RNF138: variants seen among roughly 807,000 people sequenced by gnomAD.
RNF138 encodes the protein ring finger protein 138, also known as E3 ubiquitin-protein ligase RNF138.
A neutral mutation model predicts 31.0 loss-of-function variants in RNF138; 12 were observed. The observed-to-expected ratio is 0.39, with a 90% confidence interval of 0.25 to 0.63. The LOEUF (loss-of-function observed/expected upper bound fraction) is 0.63, where lower values mean the gene tolerates loss of function less well. Among genes scored for constraint, RNF138 ranks in the 20% least tolerant of loss-of-function variants. The pLI is 0.52. For missense variants in RNF138, 192 were observed against 300.1 expected (o/e 0.64, Z 2.66); for synonymous variants, 105 against 99.5 (o/e 1.06, Z -0.33).
At chr18:32,113,590 T>C (rs528995389) in intron 3 of RNF138, among the ~76,000 whole-genome samples, 155 bp from the exon 4 acceptor site, 1 of 152,202 alleles carries the variant, frequency 6.6e-6, no homozygotes, top group Non-Finnish European at 1.5e-5. Context: ...TATCTATTCT[T>C]AACTCCTACT....
chr18:32,122,826 A>AAACT (rs892252944), intron 4 of RNF138, among the ~76,000 whole-genome samples: 3 of 152,192 alleles, frequency 2.0e-5, no homozygotes, highest in Non-Finnish European at 2.9e-5. Flanking sequence ...TCCAGCTCAA[A>AAACT]AACTAACTAA....
At chr18:32,108,945 G>A (rs1033133358) in intron 2 of RNF138, among the ~76,000 whole-genome samples, 14 of 152,066 alleles carry the variant, frequency 9.2e-5, no homozygotes, top group Non-Finnish European at 1.8e-4. Flanking sequence ...TGGGATTATA[G>A]GCATAAGCCA....
At chr18:32,116,208 T>C (rs146970479) in intron 4 of RNF138, among the ~76,000 whole-genome samples, 26 of 152,308 alleles carry the variant, frequency 1.7e-4, no homozygotes, top group African/African-American at 6.3e-4. Context: ...TTACCAGTAA[T>C]ATCCCAACCT....
Position 32,124,852 on chromosome 18 carries a change from A to C in RNF138, c.561+7A>C, listed in dbSNP as rs1295875170. On this transcript the variant is annotated splice_region_variant and intron_variant, in intron 6 of 7. Coordinates refer to ENST00000261593, the MANE Select transcript of RNF138 (RefSeq NM_016271.5). ...ATTTCAGATAGTTCCTGTGGTAAGT[A>C]CATACGTTTGAGACAGTCTTCTGCT... The C allele has an allele frequency of 7.5e-7, 1 of 1,331,780 alleles. No individual in the cohort carries two copies. Among genetic ancestry groups the C allele is most frequent in the Non-Finnish European group, 1.1e-6 (1 of 922,774 alleles). 82.5% of individuals were successfully genotyped at this position (1,331,780 alleles called of 1,614,324 possible). A position where few individuals can be genotyped will look rare whatever the true frequency, so the allele number is the denominator to read the frequency against.
intron 2 of RNF138, among the ~76,000 whole-genome samples, chr18:32,104,147 G>C (rs1460387452): frequency 6.6e-6 from 1 of 150,936 alleles, no homozygotes; most frequent in African/African-American, 2.4e-5. Context: ...CCAAATAGTT[G>C]GGATTACAGG....
intron 2 of RNF138, 21 bp downstream of exon 2, chr18:32,092,907 C>T (rs1039436621): frequency 1.4e-6 from 2 of 1,406,062 alleles, no homozygotes; most frequent in Non-Finnish European, 1.9e-6. Context: ...GCCCCCTCCC[C>T]CTCGCGGAGC....
At chr18:32,112,868 T>C (rs1473614219) in intron 3 of RNF138, among the ~76,000 whole-genome samples, 2 of 152,198 alleles carry the variant, frequency 1.3e-5, no homozygotes, top group African/African-American at 2.4e-5. Flanking sequence ...TATAGATTTA[T>C]CACCGACATT....
chr18:32,099,397 A>G (rs1216914698), intron 2 of RNF138, among the ~76,000 whole-genome samples: 1 of 152,070 alleles, frequency 6.6e-6, no homozygotes, highest in East Asian at 1.9e-4. Context: ...AAGAGACCTG[A>G]ATATCTCTAT....
rs2040455144 is a variant in RNF138 at position 32,130,455 on chromosome 18, C to CAA, written c.*1270_*1271dup. 6.6e-6 allele frequency: 1 copy of CAA among 152,260 alleles called. No homozygotes were observed. Among genetic ancestry groups the CAA allele is most frequent in the African/African-American group, 2.4e-5 (1 of 41,382 alleles). The allele number at this position is 152,260 out of a possible 1,614,324, so 9.4% of individuals were successfully genotyped here. A position where few individuals can be genotyped will look rare whatever the true frequency, so the allele number is the denominator to read the frequency against. On this transcript the variant is annotated 3_prime_UTR_variant, in exon 8 of 8. Transcript: ENST00000261593. ...TCTTAATATTCATTAGTGAGAATCA[C>CAA]AAAGTATTTTGTAGAAGGCCCAAAT... is the stretch of plus-strand genomic sequence containing the variant.
intron 6 of RNF138, among the ~76,000 whole-genome samples, chr18:32,126,373 A>G (rs1409791343): frequency 1.3e-5 from 2 of 152,234 alleles, no homozygotes; most frequent in East Asian, 1.9e-4. Context: ...AATATATTGG[A>G]TATGTTGCAG....
intron 2 of RNF138, among the ~76,000 whole-genome samples, chr18:32,106,050 C>T (rs1435502919): frequency 6.6e-6 from 1 of 152,204 alleles, no homozygotes; most frequent in Non-Finnish European, 1.5e-5. Flanking sequence ...TCTCCTTTCC[C>T]TTGTGCATTT....
intron 2 of RNF138, among the ~76,000 whole-genome samples, chr18:32,107,467 GT>G (rs201966280): frequency 1.3e-5 from 2 of 149,762 alleles, no homozygotes; most frequent in East Asian, 2.0e-4. Context: ...AATTTTAGCA[GT>G]TTTTTTTTAA....
At chr18:32,098,914 ATT>A (rs58298513) in intron 2 of RNF138, among the ~76,000 whole-genome samples, 9,485 of 141,172 alleles carry the variant, frequency 0.067, 484 homozygotes, top group East Asian at 0.25. Context: ...ACAACCTTTG[ATT>A]TTTTTTTTTT....
chr18:32,097,524 C>T (rs981766189), intron 2 of RNF138, among the ~76,000 whole-genome samples: 1 of 151,986 alleles, frequency 6.6e-6, no homozygotes, highest in African/African-American at 2.4e-5. Flanking sequence ...GTCTCTGTTG[C>T]CCAGGCTGGA....
rs1286811108 is a variant in RNF138 at position 32,092,788 on chromosome 18, C to T, written c.12C>T (p.Asp4=). MAE[D]LSAATSYTED... is the part of the protein sequence containing the mutation. ...CCCCATCCCCCGCCATGGCCGAGGA[C>T]CTCTCTGCGGCCACGTCCTACACCG... is the stretch of plus-strand genomic sequence containing the variant. The change falls in exon 2 of 8, where the codon GAC becomes GAT. Residue 4 remains aspartate, a synonymous_variant. Coordinates refer to ENST00000261593, the MANE Select transcript of RNF138 (RefSeq NM_016271.5). The T allele has an allele frequency of 1.3e-6, 2 of 1,585,744 alleles. No homozygotes were observed. Among genetic ancestry groups the T allele is most frequent in the Non-Finnish European group, 1.7e-6 (2 of 1,169,222 alleles).
chr18:32,093,140 C>T (rs1263491573), intron 2 of RNF138, among the ~76,000 whole-genome samples: 1 of 151,392 alleles, frequency 6.6e-6, no homozygotes, highest in Admixed American at 6.6e-5. Flanking sequence ...CTCCCGCTCT[C>T]CCGCTCTCCC....
rs2040172328 is a variant in RNF138 at position 32,113,841 on chromosome 18, C to G, written c.373C>G (p.Gln125Glu). The G allele has an allele frequency of 1.3e-6, 2 of 1,509,464 alleles. No individual in the cohort carries two copies. The highest frequency in any genetic ancestry group is 1.8e-6 in the Non-Finnish European group (2 of 1,109,622). The allele number at this position is 1,509,464 out of a possible 1,614,324, so 93.5% of individuals were successfully genotyped here. A position where few individuals can be genotyped will look rare whatever the true frequency, so the allele number is the denominator to read the frequency against. ...SSIIPNFQIS[Q>E]DSVGNSNRSE... The stretch of plus-strand genomic sequence containing the variant: ...TATCATTCCAAACTTTCAGATCTCT[C>G]AAGATTCAGTAGGGAACAGGTAAGC... The change falls in exon 4 of 8, where the codon CAA becomes GAA. Residue 125 changes from glutamine (Q) to glutamate (E), a missense_variant. Gln to Glu is a conservative substitution (Grantham distance 29). Transcript: ENST00000261593.
intron 2 of RNF138, among the ~76,000 whole-genome samples, chr18:32,095,178 G>GT (rs201079363): frequency 8.3e-5 from 7 of 83,908 alleles, no homozygotes; most frequent in African/African-American, 3.0e-4. Flanking sequence ...AAAAATTATC[G>GT]TTTTTTTTTG....
At chr18:32,096,165 AC>A (rs1416794088) in intron 2 of RNF138, among the ~76,000 whole-genome samples, 19 of 152,252 alleles carry the variant, frequency 1.2e-4, no homozygotes, top group Non-Finnish European at 2.6e-4. Flanking sequence ...TAATTAGATA[AC>A]CTAATGAATA....
Sources: gnomAD v4.1 joint callset for allele counts (sites outside exome capture counted in the v4.1 genomes callset) on GRCh38, gnomAD v4.1.1 for gene constraint, MANE v1.5 for transcripts, NCBI Gene and HGNC (gene_info 2026-07-23, HGNC 2026-07-21) for gene names.